ADCY8: variants seen among roughly 807,000 people sequenced by gnomAD.
ADCY8 encodes the protein adenylate cyclase 8, also known as adenylate cyclase type 8.
ADCY8 carries 51 observed loss-of-function variants against 119.7 expected under a neutral mutation model. That is an observed-to-expected ratio of 0.43 (90% CI 0.34 to 0.54). The LOEUF (loss-of-function observed/expected upper bound fraction) is 0.54. Among genes scored for constraint, ADCY8 ranks in the 20% least tolerant of loss-of-function variants. ADCY8 has a pLI of 0.03. For missense variants in ADCY8, 1,383 were observed against 1,598.8 expected (o/e 0.87, Z 2.30); for synonymous variants, 665 against 651.0 (o/e 1.02, Z -0.33).
chr8:130,895,353 G>T (rs1819351201), intron 7 of ADCY8, among the ~76,000 whole-genome samples: 1 of 152,070 alleles, frequency 6.6e-6, no homozygotes, highest in African/African-American at 2.4e-5. Flanking sequence ...CATGATGTAT[G>T]CTTGACAACC....
At chr8:130,931,378 G>A (rs1252283499) in intron 5 of ADCY8, among the ~76,000 whole-genome samples, 1 of 152,038 alleles carries the variant, frequency 6.6e-6, no homozygotes, top group East Asian at 1.9e-4. Context: ...TCTTCTTTTT[G>A]TCTTTGATTT....
intron 3 of ADCY8, among the ~76,000 whole-genome samples, chr8:130,944,595 A>G (rs1274791650): frequency 3.3e-5 from 5 of 152,216 alleles, no homozygotes; most frequent in Non-Finnish European, 7.3e-5. Context: ...CTTAAAATTC[A>G]TCTCCTTTAC....
intron 1 of ADCY8, among the ~76,000 whole-genome samples, chr8:131,024,327 CA>C (rs775852631): frequency 6.6e-6 from 1 of 152,120 alleles, no homozygotes; most frequent in Non-Finnish European, 1.5e-5. Flanking sequence ...TATATTGGTT[CA>C]AAATGTTTTC....
chr8:131,000,647 G>C (rs1822914167), intron 1 of ADCY8, among the ~76,000 whole-genome samples: 1 of 152,052 alleles, frequency 6.6e-6, no homozygotes, highest in African/African-American at 2.4e-5. Flanking sequence ...GCTGAGGTGT[G>C]ATCCCTGGTA....
intron 13 of ADCY8, among the ~76,000 whole-genome samples, chr8:130,817,150 T>C (rs1586443951): frequency 6.6e-6 from 1 of 152,196 alleles, no homozygotes; most frequent in African/African-American, 2.4e-5. Context: ...ACTATTATAG[T>C]AAATCACAAG....
At chr8:130,932,641 C>G (rs1017221033) in intron 5 of ADCY8, among the ~76,000 whole-genome samples, 1 of 152,096 alleles carries the variant, frequency 6.6e-6, no homozygotes, top group African/African-American at 2.4e-5. Context: ...TGACATCTCA[C>G]CTGATTTCCT....
At chr8:130,863,013 T>C (rs1817994589) in intron 9 of ADCY8, among the ~76,000 whole-genome samples, 1 of 152,254 alleles carries the variant, frequency 6.6e-6, no homozygotes, top group Admixed American at 6.5e-5. Flanking sequence ...TCAGGTTATC[T>C]ATATCTCTAA....
intron 1 of ADCY8, among the ~76,000 whole-genome samples, chr8:131,009,259 A>G (rs1586652494): frequency 6.6e-6 from 1 of 152,302 alleles, no homozygotes; most frequent in African/African-American, 2.4e-5. Flanking sequence ...GGGTAGGCCA[A>G]GGGCCCCCCT....
intron 2 of ADCY8, among the ~76,000 whole-genome samples, chr8:130,977,938 A>C (rs894655918): frequency 6.6e-6 from 1 of 152,126 alleles, no homozygotes; most frequent in African/African-American, 2.4e-5. Context: ...ATCTATTGTG[A>C]AATATCTTCC....
chr8:130,914,269 C>T (rs1820063746), intron 5 of ADCY8, among the ~76,000 whole-genome samples: 1 of 152,020 alleles, frequency 6.6e-6, no homozygotes. Flanking sequence ...TATTGTGAGC[C>T]CCGAAGGATA....
At chr8:130,947,493 T>C (rs1161348122) in intron 3 of ADCY8, among the ~76,000 whole-genome samples, 1 of 152,232 alleles carries the variant, frequency 6.6e-6, no homozygotes, top group Non-Finnish European at 1.5e-5. Flanking sequence ...TTAACTGCCA[T>C]GCGGATGGAT....
At chr8:130,854,997 A>G (rs1438716025) in intron 9 of ADCY8, among the ~76,000 whole-genome samples, 1 of 140,254 alleles carries the variant, frequency 7.1e-6, no homozygotes, top group African/African-American at 2.7e-5. Context: ...ACATTGTTCT[A>G]TAGTCCCAAG....
chr8:130,995,165 A>T (rs1822734614), intron 1 of ADCY8, among the ~76,000 whole-genome samples: 1 of 152,212 alleles, frequency 6.6e-6, no homozygotes, highest in Non-Finnish European at 1.5e-5. Context: ...CTTATTTCAT[A>T]AATATGACCA....
At chr8:130,812,678 T>C (rs1368627046) in intron 14 of ADCY8, among the ~76,000 whole-genome samples, 2 of 152,226 alleles carry the variant, frequency 1.3e-5, no homozygotes, top group Non-Finnish European at 2.9e-5. Flanking sequence ...GATTTCAGAC[T>C]TCTAGACTGC....
At position 130,956,016 on chromosome 8, in the gene ADCY8, G is replaced by T. The variant is rs542873233; in HGVS notation, c.1111-4018C>A. Among the ~76,000 whole-genome samples the T allele has an allele frequency of 8.5e-5, 13 of 152,262 alleles. No individual in the cohort carries two copies. The South Asian group carries it at 2.7e-3, about 32-fold the overall frequency. Reference sequence around the variant, plus strand: ...AATAATTAGCCAGGCATGGTGGCATGTGCCTATAGTCCCAGATACTTGGGA... The same window carrying T: ...AATAATTAGCCAGGCATGGTGGCATTTGCCTATAGTCCCAGATACTTGGGA... On this transcript the variant is annotated intron_variant, in intron 2 of 17. Coordinates refer to ENST00000286355, the MANE Select transcript of ADCY8 (RefSeq NM_001115.3).
At chr8:131,004,556 C>T (rs1031702204) in intron 1 of ADCY8, among the ~76,000 whole-genome samples, 4 of 152,136 alleles carry the variant, frequency 2.6e-5, no homozygotes, top group Non-Finnish European at 5.9e-5. Flanking sequence ...TCAGGCTCAC[C>T]CATTATGAAC....
intron 2 of ADCY8, among the ~76,000 whole-genome samples, chr8:130,990,165 G>C (rs142964884): frequency 1.8e-4 from 28 of 152,320 alleles, no homozygotes; most frequent in African/African-American, 6.7e-4. Context: ...ATTTGTGACT[G>C]TAACCTCTTT....
intron 6 of ADCY8, among the ~76,000 whole-genome samples, chr8:130,905,225 T>C (rs1010364116): frequency 6.6e-6 from 1 of 152,212 alleles, no homozygotes; most frequent in African/African-American, 2.4e-5. Flanking sequence ...ATATTACTGT[T>C]GTGTATTCCA....
intron 7 of ADCY8, among the ~76,000 whole-genome samples, chr8:130,901,057 AC>A (rs1322256722): frequency 1.3e-5 from 2 of 152,058 alleles, no homozygotes. Context: ...CTCCCTCACT[AC>A]CCATATCTAT....
Sources: allele counts gnomAD v4.1 joint callset (sites outside exome capture counted in the v4.1 genomes callset), GRCh38; gene constraint gnomAD v4.1.1; transcripts MANE v1.5; gene names NCBI Gene and HGNC (gene_info 2026-07-23, HGNC 2026-07-21).